Variants in APP observed in about 807,000 individuals in gnomAD.
APP encodes the protein amyloid-beta precursor protein.
In APP, 31 loss-of-function variants were observed where a neutral mutation model predicts 101.4. That is an observed-to-expected ratio of 0.31 (90% CI 0.23 to 0.41). The LOEUF is 0.41. APP is among the 10% of genes least tolerant of loss of function. The probability of loss-of-function intolerance (pLI) is 1.00; values close to 1 mark genes in which losing one functional copy is unlikely to be tolerated. For synonymous variants in APP, 366 were observed against 364.4 expected, an observed-to-expected ratio of 1.00 and a Z score of -0.05; for missense variants, 839 against 1,003.7, an observed-to-expected ratio of 0.84 and a Z score of 2.22.
At chr21:25,929,553 C>A (rs1482166561) in intron 13 of APP, among the ~76,000 whole-genome samples, 1 of 152,118 alleles carries the variant, frequency 6.6e-6, no homozygotes, top group Non-Finnish European at 1.5e-5. Context: ...ACAGAGGAAT[C>A]ATGAGGAAGA....
chr21:26,040,800 A>G (rs1252799926), intron 5 of APP, among the ~76,000 whole-genome samples: 1 of 151,184 alleles, frequency 6.6e-6, no homozygotes. Flanking sequence ...AGTACATTCT[A>G]GAGTTTAAGC....
At chr21:26,140,502 T>G in intron 1 of APP, 1 of 592,146 alleles carries the variant, frequency 1.7e-6, no homozygotes, top group Non-Finnish European at 2.5e-6. Flanking sequence ...TAGGATTTTC[T>G]TGGCACAAAG....
At chr21:26,139,467 T>C (rs757905973) in intron 1 of APP, among the ~76,000 whole-genome samples, 18 of 152,210 alleles carry the variant, frequency 1.2e-4, no homozygotes, top group Non-Finnish European at 2.4e-4. Context: ...AAGGTTTTGT[T>C]AAATAGATCT....
In APP at chr21:25,935,449, G is replaced by A. The variant is rs151194047; in HGVS notation, c.1687+19141C>T. On this transcript the variant is annotated intron_variant, in intron 13 of 17. Transcript: ENST00000346798. ...TTGGCTCAAGACATGAGAAAATATAGCTAACAATGCTTGGTTATGGGTTTG... is the reference window on the plus strand; with the variant it reads ...TTGGCTCAAGACATGAGAAAATATAACTAACAATGCTTGGTTATGGGTTTG... Among the ~76,000 whole-genome samples the A allele has an allele frequency of 7.2e-5, 11 of 152,190 alleles. No individual in the cohort carries two copies. The East Asian group carries it at 2.1e-3, about 29-fold the overall frequency.
chr21:25,961,445 A>G (rs746951853), intron 11 of APP, among the ~76,000 whole-genome samples: 3 of 152,198 alleles, frequency 2.0e-5, no homozygotes, highest in South Asian at 2.1e-4. Context: ...GTTCACATAG[A>G]TAACAGTTCC....
rs183065263 is a variant in APP at position 26,023,101 on chromosome 21, A to G, written c.663-1059T>C. ...AGTAAATCTGCAATGCCCTGTGGTC[A>G]GGGATGCCTGCTGGAACTATTTAGT... On this transcript the variant is annotated intron_variant, in intron 5 of 17. Transcript: ENST00000346798. Among the ~76,000 whole-genome samples, 666 of 152,354 alleles carry G rather than the reference A, an allele frequency of 4.4e-3. 3 individuals are homozygous for G. The highest frequency in any genetic ancestry group is 0.015 in the African/African-American group (642 of 41,576).
intron 8 of APP, among the ~76,000 whole-genome samples, chr21:25,993,685 C>T (rs1320661568): frequency 6.6e-6 from 1 of 152,280 alleles, no homozygotes; most frequent in South Asian, 2.1e-4. Context: ...GGAAAGTACA[C>T]GTGTTTACAC....
rs546613723 is a variant in APP, at chr21:25,898,107, C to T, written c.1964-434G>A. ...AGGCTTTAAAAATGAGCATTAATTA[C>T]CTGGTAGAACAAAACTGCTACTTTG... On this transcript the variant is annotated intron_variant, in intron 15 of 17. Coordinates refer to ENST00000346798, the MANE Select transcript of APP (RefSeq NM_000484.4). The T allele has an allele frequency of 7.1e-5, 13 of 182,254 alleles. 1 individual carries two copies. In the South Asian group the frequency reaches 1.2e-3, roughly 16 times the overall value. 11.3% of individuals were successfully genotyped at this position (182,254 alleles called of 1,614,324 possible).
chr21:26,050,614 C>A (rs958567959), intron 5 of APP, among the ~76,000 whole-genome samples: 1 of 152,016 alleles, frequency 6.6e-6, no homozygotes, highest in Non-Finnish European at 1.5e-5. Flanking sequence ...TCAAACCAAA[C>A]CTTTAACGAA....
intron 1 of APP, among the ~76,000 whole-genome samples, chr21:26,134,113 G>A (rs2062848970): frequency 6.6e-6 from 1 of 152,176 alleles, no homozygotes; most frequent in African/African-American, 2.4e-5. Context: ...AGCCTCCTGA[G>A]TAGCTGGAAC....
At chr21:25,916,578 C>G (rs897240480) in intron 13 of APP, among the ~76,000 whole-genome samples, 3 of 152,222 alleles carry the variant, frequency 2.0e-5, no homozygotes, top group African/African-American at 7.2e-5. Context: ...CACACTTCCA[C>G]TACATTAGTG....
intron 9 of APP, among the ~76,000 whole-genome samples, chr21:25,979,984 C>T (rs186417493): frequency 5.9e-4 from 90 of 152,294 alleles, no homozygotes; most frequent in Non-Finnish European, 1.0e-3. Context: ...CAATGACTGC[C>T]TGTCTCATTC....
chr21:25,963,436 G>A lies in APP; in HGVS notation c.1459-7681C>T, dbSNP rs187589088. 1.6e-4 allele frequency among the ~76,000 whole-genome samples: 25 copies of A among 152,238 alleles called. No individual in the cohort carries two copies. The East Asian group carries it at 2.7e-3, about 17-fold the overall frequency. On this transcript the variant is annotated intron_variant, in intron 11 of 17. Coordinates refer to ENST00000346798, the MANE Select transcript of APP (RefSeq NM_000484.4). ...TGGAAGGCAGTGAAGTGTCAAGAGC[G>A]TTTAAAAGCCCTGGGCATAATCCTG...
At chr21:25,991,070 G>A (rs538583040) in intron 8 of APP, among the ~76,000 whole-genome samples, 5 of 152,284 alleles carry the variant, frequency 3.3e-5, no homozygotes, top group Admixed American at 6.5e-5. Flanking sequence ...AATCAGGAAT[G>A]GAAATACAGT....
In APP at chr21:26,112,254, A is replaced by C. The variant is rs2062344953; in HGVS notation, c.58-108T>G. ...AAGAGTTCTATTCTTGCTCATTCTC[A>C]ATTAGGAATCAGCCCGGTCTTCAAC... On this transcript the variant is annotated intron_variant, in intron 1 of 17. Coordinates refer to ENST00000346798, the MANE Select transcript of APP (RefSeq NM_000484.4). The C allele has an allele frequency of 3.3e-6, 4 of 1,221,402 alleles. 1 individual carries two copies. In the South Asian group the frequency reaches 4.9e-5, roughly 15 times the overall value. 75.7% of individuals were successfully genotyped at this position (1,221,402 alleles called of 1,614,324 possible).
chr21:26,157,868 A>G (rs2146365443), intron 1 of APP, among the ~76,000 whole-genome samples: 1 of 152,384 alleles, frequency 6.6e-6, no homozygotes, highest in South Asian at 2.1e-4. Context: ...CAGGTTCAGC[A>G]TGACAGACAG....
chr21:25,909,783 A>G (rs975671117), intron 14 of APP, among the ~76,000 whole-genome samples: 2 of 152,242 alleles, frequency 1.3e-5, no homozygotes, highest in Non-Finnish European at 2.9e-5. Context: ...GTAAAGAAAC[A>G]AAACAATCTG....
At chr21:26,111,880 G>A (rs1403963332) in intron 2 of APP, 99 bp downstream of exon 2, 1 of 1,279,694 alleles carries the variant, frequency 7.8e-7, no homozygotes, top group Non-Finnish European at 1.1e-6. Flanking sequence ...GATTTTTACT[G>A]TAGGGTTAAA....
At chr21:25,967,703 G>C (rs1438841750) in intron 11 of APP, among the ~76,000 whole-genome samples, 5 of 152,286 alleles carry the variant, frequency 3.3e-5, no homozygotes, top group African/African-American at 1.2e-4. Context: ...AGGATAAGCA[G>C]AACGCTGAGA....
Sources: allele counts gnomAD v4.1 joint callset (sites outside exome capture counted in the v4.1 genomes callset), GRCh38; gene constraint gnomAD v4.1.1; transcripts MANE v1.5; gene names NCBI Gene and HGNC (gene_info 2026-07-23, HGNC 2026-07-21).